Variants in RABGAP1L observed in about 807,000 individuals in gnomAD.
RABGAP1L encodes rab GTPase-activating protein 1-like.
Under a neutral mutation model 137.7 loss-of-function variants are expected in RABGAP1L, and 63 were observed. The observed-to-expected ratio is 0.46, with a 90% CI of 0.37 to 0.56. RABGAP1L has a LOEUF of 0.56. Among genes scored for constraint, RABGAP1L ranks in the 20% least tolerant of loss-of-function variants. The pLI is 0.00. For synonymous variants in RABGAP1L, 431 were observed against 433.7 expected (o/e 0.99, Z 0.08); for missense variants, 1,095 against 1,244.0 (o/e 0.88, Z 1.80).
At chr1:174,589,539 G>A (rs919445118) in intron 13 of RABGAP1L, among the ~76,000 whole-genome samples, 1 of 152,094 alleles carries the variant, frequency 6.6e-6, no homozygotes, top group Non-Finnish European at 1.5e-5. Context: ...TGCCCAGCTT[G>A]ATGTCTTTGA....
chr1:174,939,747 T>G (rs1665535354), intron 19 of RABGAP1L, among the ~76,000 whole-genome samples: 2 of 152,194 alleles, frequency 1.3e-5, no homozygotes, highest in Admixed American at 6.6e-5. Flanking sequence ...ATTTTCTCAT[T>G]TAGGTAACAA....
chr1:174,600,731 G>A (rs1276034255), intron 13 of RABGAP1L, among the ~76,000 whole-genome samples: 1 of 152,200 alleles, frequency 6.6e-6, no homozygotes, highest in Non-Finnish European at 1.5e-5. Flanking sequence ...GCTTTGCAGA[G>A]TACAGCCTCC....
intron 13 of RABGAP1L, among the ~76,000 whole-genome samples, chr1:174,620,827 A>G (rs1672385036): frequency 1.3e-5 from 2 of 152,214 alleles, no homozygotes; most frequent in South Asian, 4.1e-4. Context: ...AACCCTTCAA[A>G]AAATCAATGA....
chr1:174,384,445 A>G (rs989241130), intron 12 of RABGAP1L, among the ~76,000 whole-genome samples: 11 of 152,168 alleles, frequency 7.2e-5, no homozygotes, highest in African/African-American at 2.4e-4. Context: ...AATGACAAAA[A>G]AGAAAAAAAA....
intron 12 of RABGAP1L, among the ~76,000 whole-genome samples, chr1:174,376,952 C>CA (rs2149021614): frequency 6.6e-6 from 1 of 152,118 alleles, no homozygotes; most frequent in East Asian, 1.9e-4. Context: ...TAGAAAACCC[C>CA]AAGGAATCTA....
chr1:174,893,808 A>G (rs1411432348), intron 19 of RABGAP1L, among the ~76,000 whole-genome samples: 1 of 152,180 alleles, frequency 6.6e-6, no homozygotes, highest in Non-Finnish European at 1.5e-5. Context: ...TATTATTAAT[A>G]GCAAGTCTTC....
At chr1:174,883,930 A>G (rs995970771) in intron 19 of RABGAP1L, among the ~76,000 whole-genome samples, 5 of 152,208 alleles carry the variant, frequency 3.3e-5, no homozygotes, top group African/African-American at 9.6e-5. Context: ...GCTTCCAGCC[A>G]TACAAAAGTG....
At chr1:174,656,099 A>G (rs1365461507) in intron 14 of RABGAP1L, among the ~76,000 whole-genome samples, 1 of 151,782 alleles carries the variant, frequency 6.6e-6, no homozygotes, top group African/African-American at 2.4e-5. Context: ...TGTGCATACA[A>G]ACATGTATTT....
At chr1:174,457,002 G>T (rs1206129657) in intron 13 of RABGAP1L, among the ~76,000 whole-genome samples, 2 of 152,076 alleles carry the variant, frequency 1.3e-5, no homozygotes, top group African/African-American at 4.8e-5. Flanking sequence ...TTCTATAATA[G>T]TCCTGGACTC....
At chr1:174,892,071 G>A (rs141487249) in intron 19 of RABGAP1L, among the ~76,000 whole-genome samples, 6 of 152,338 alleles carry the variant, frequency 3.9e-5, no homozygotes, top group South Asian at 4.1e-4. Flanking sequence ...TGGCCGCAGC[G>A]GTAGCTGGAG....
intron 8 of RABGAP1L, among the ~76,000 whole-genome samples, chr1:174,273,387 C>A (rs1674716000): frequency 1.3e-5 from 2 of 152,002 alleles, no homozygotes; most frequent in African/African-American, 4.8e-5. Flanking sequence ...CTCTTACCAT[C>A]TGTGGGTTCA....
intron 19 of RABGAP1L, among the ~76,000 whole-genome samples, chr1:174,849,156 C>T (rs2148978172): frequency 6.6e-6 from 1 of 152,250 alleles, no homozygotes; most frequent in Admixed American, 6.5e-5. Context: ...GAACCCGGTA[C>T]CTCAGATGGA....
intron 17 of RABGAP1L, among the ~76,000 whole-genome samples, chr1:174,745,407 G>C (rs1296589807): frequency 6.6e-6 from 1 of 152,160 alleles, no homozygotes; most frequent in Non-Finnish European, 1.5e-5. Context: ...TGAAATGAGA[G>C]AACAGAGACC....
At chr1:174,680,090 C>G (rs1043538895) in intron 14 of RABGAP1L, among the ~76,000 whole-genome samples, 2 of 152,150 alleles carry the variant, frequency 1.3e-5, no homozygotes, top group Non-Finnish European at 2.9e-5. Flanking sequence ...AAAATTGAAA[C>G]TTGCTCTTTG....
Position 174,613,884 on chromosome 1 carries a change from G to A in RABGAP1L, c.1711-23491G>A, listed in dbSNP as rs564130269. Among the ~76,000 whole-genome samples the A allele has an allele frequency of 3.3e-5, 5 of 152,066 alleles. No individual in the cohort carries two copies. The South Asian group carries it at 8.3e-4, about 25-fold the overall frequency. ...ATCAGAGACTAGGATTGCAACCCCT[G>A]CCTTTTTTTGTTTTCCATTTGCTTG... is the stretch of plus-strand genomic sequence containing the variant. On this transcript the variant is annotated intron_variant, in intron 13 of 25. Coordinates refer to ENST00000681986, the MANE Select transcript of RABGAP1L (RefSeq NM_001366446.1).
At chr1:174,716,523 C>G (rs1681024029) in intron 17 of RABGAP1L, among the ~76,000 whole-genome samples, 1 of 152,110 alleles carries the variant, frequency 6.6e-6, no homozygotes, top group African/African-American at 2.4e-5. Context: ...TCTAAACATA[C>G]AATATTTAGC....
chr1:174,640,872 A>T (rs745517095), intron 14 of RABGAP1L, among the ~76,000 whole-genome samples: 8 of 150,772 alleles, frequency 5.3e-5, no homozygotes, highest in Non-Finnish European at 1.2e-4. Context: ...ACCACTAAGA[A>T]AGCTGCATCT....
At chr1:174,276,009 T>C (rs1674967622) in intron 9 of RABGAP1L, 74 bp downstream of exon 9, 1 of 1,269,132 alleles carries the variant, frequency 7.9e-7, no homozygotes, top group African/African-American at 1.5e-5. Flanking sequence ...TGTCATGTTT[T>C]AAAAAAAATT....
chr1:174,588,238 A>T (rs1250186569), intron 13 of RABGAP1L, among the ~76,000 whole-genome samples: 4 of 151,728 alleles, frequency 2.6e-5, no homozygotes, highest in Non-Finnish European at 5.9e-5. Context: ...ATCTTGGCTC[A>T]CTGCAGCCTC....
Sources: gnomAD v4.1 joint callset for allele counts (sites outside exome capture counted in the v4.1 genomes callset) on GRCh38, gnomAD v4.1.1 for gene constraint, MANE v1.5 for transcripts, NCBI Gene and HGNC (gene_info 2026-07-23, HGNC 2026-07-21) for gene names.